Variants in GRIN2A observed in about 807,000 individuals in gnomAD.
The protein encoded by GRIN2A is glutamate ionotropic receptor NMDA type subunit 2A, also known as glutamate receptor ionotropic, NMDA 2A.
GRIN2A carries 22 observed loss-of-function variants against 113.4 expected under a neutral mutation model. The ratio of observed to expected loss-of-function variants is 0.19; its 90% confidence interval spans 0.14 to 0.28. The LOEUF is 0.28. Ranked by LOEUF, GRIN2A falls within the 10% of genes least tolerant of loss-of-function variation. The pLI, the probability that GRIN2A is intolerant of heterozygous loss-of-function variation, is 1.00. For synonymous variants in GRIN2A, 827 were observed against 738.4 expected (o/e 1.12, Z -1.94); for missense variants, 1,502 against 1,887.0 (o/e 0.80, Z 3.78).
chr16:10,105,789 C>T (rs952593101), intron 2 of GRIN2A, among the ~76,000 whole-genome samples: 1 of 152,154 alleles, frequency 6.6e-6, no homozygotes. Flanking sequence ...CACACGTAAT[C>T]CCAGCTACTT....
At chr16:9,822,454 G>C (rs949332443) in intron 9 of GRIN2A, 30 bp from the exon 10 acceptor site, 2 of 1,469,890 alleles carry the variant, frequency 1.4e-6, no homozygotes, top group African/African-American at 2.8e-5. Flanking sequence ...GGAAGAGAGA[G>C]AGTAGGAAAA....
intron 2 of GRIN2A, among the ~76,000 whole-genome samples, chr16:10,105,814 G>A (rs2048488530): frequency 6.6e-6 from 1 of 152,208 alleles, no homozygotes; most frequent in Non-Finnish European, 1.5e-5. Context: ...GGCTGAGGCA[G>A]GAGAATGGCT....
At chr16:10,003,780 G>A (rs2046360853) in intron 2 of GRIN2A, among the ~76,000 whole-genome samples, 1 of 152,178 alleles carries the variant, frequency 6.6e-6, no homozygotes, top group Non-Finnish European at 1.5e-5. Flanking sequence ...AAAGAATGAG[G>A]TCATTAAAGC....
chr16:9,880,288 G>A (rs941133731), intron 4 of GRIN2A, among the ~76,000 whole-genome samples: 2 of 152,104 alleles, frequency 1.3e-5, no homozygotes, highest in African/African-American at 2.4e-5. Context: ...GAGCCCCCTC[G>A]ATCCTCAAAT....
At chr16:10,007,957 C>A (rs1208748468) in intron 2 of GRIN2A, among the ~76,000 whole-genome samples, 1 of 152,132 alleles carries the variant, frequency 6.6e-6, no homozygotes, top group African/African-American at 2.4e-5. Context: ...CTCTTTGAGC[C>A]TCTGGTACAT....
chr16:10,143,360 C>A (rs1044545068), intron 2 of GRIN2A, among the ~76,000 whole-genome samples: 2 of 152,030 alleles, frequency 1.3e-5, no homozygotes, highest in African/African-American at 2.4e-5. Flanking sequence ...CTTAAATTTT[C>A]AAAAATTCAG....
chr16:9,842,275 G>T lies in GRIN2A; in HGVS notation c.1329-1171C>A, dbSNP rs147691161. On this transcript the variant is annotated intron_variant, in intron 5 of 12. Transcript: ENST00000330684. ...TCCAAAAAAAAAAGAAAAAAGAAAA[G>T]AAAGAAAGGAAACACTGGTCTATCC... is the stretch of plus-strand genomic sequence containing the variant. 2.7e-3 allele frequency among the ~76,000 whole-genome samples: 408 copies of T among 148,370 alleles called. 2 individuals are homozygous for T. Among genetic ancestry groups the T allele is most frequent in the African/African-American group, 1.0e-2 (379 of 38,056 alleles).
chr16:10,130,882 G>A lies in GRIN2A; in HGVS notation c.414+49116C>T, dbSNP rs777392757. On this transcript the variant is annotated intron_variant, in intron 2 of 12. Coordinates refer to ENST00000330684, the MANE Select transcript of GRIN2A (RefSeq NM_001134407.3). The stretch of plus-strand genomic sequence containing the variant: ...TATAATCCATAGCTGCCAGGGAGCT[G>A]GAACTCAGAGCCAAACACAGACTCA... Among the ~76,000 whole-genome samples, 7 of 152,158 alleles carry A rather than the reference G, an allele frequency of 4.6e-5. No homozygotes were observed. The East Asian group carries it at 7.7e-4, about 17-fold the overall frequency.
intron 2 of GRIN2A, among the ~76,000 whole-genome samples, chr16:10,061,609 A>G (rs546918105): frequency 2.0e-4 from 31 of 152,342 alleles, no homozygotes; most frequent in Non-Finnish European, 4.1e-4. Context: ...CAGTGAAGTC[A>G]GTCTGGGGCA....
intron 2 of GRIN2A, among the ~76,000 whole-genome samples, chr16:10,099,256 T>C (rs890673063): frequency 2.6e-5 from 4 of 152,268 alleles, no homozygotes; most frequent in Middle Eastern, 3.4e-3. Context: ...GCATAAAAGA[T>C]ACTTACTCAA....
At chr16:9,990,676 T>G (rs2046094187) in intron 2 of GRIN2A, among the ~76,000 whole-genome samples, 1 of 152,072 alleles carries the variant, frequency 6.6e-6, no homozygotes, top group Non-Finnish European at 1.5e-5. Flanking sequence ...CATTTTTTTT[T>G]TTCACCTGTC....
chr16:9,958,010 G>T (rs952247085), intron 2 of GRIN2A, among the ~76,000 whole-genome samples: 4 of 152,156 alleles, frequency 2.6e-5, no homozygotes, highest in African/African-American at 9.7e-5. Flanking sequence ...GTTATACCAG[G>T]AAAGAGAGAT....
At chr16:9,863,176 A>G (rs1331434212) in intron 4 of GRIN2A, among the ~76,000 whole-genome samples, 2 of 152,210 alleles carry the variant, frequency 1.3e-5, no homozygotes, top group Non-Finnish European at 2.9e-5. Context: ...GGAAATATTA[A>G]GGCAAACATG....
chr16:9,787,714 A>G (rs1902315370), intron 11 of GRIN2A, among the ~76,000 whole-genome samples: 1 of 152,206 alleles, frequency 6.6e-6, no homozygotes. Flanking sequence ...TATTATGACA[A>G]ATATCTATAA....
At chr16:10,061,700 C>T (rs942585077) in intron 2 of GRIN2A, among the ~76,000 whole-genome samples, 2 of 152,022 alleles carry the variant, frequency 1.3e-5, no homozygotes, top group African/African-American at 4.8e-5. Flanking sequence ...TTAGTAGTGG[C>T]AAAGGCAACA....
chr16:10,025,790 C>A (rs551723104), intron 2 of GRIN2A, among the ~76,000 whole-genome samples: 1 of 152,284 alleles, frequency 6.6e-6, no homozygotes, highest in East Asian at 1.9e-4. Flanking sequence ...CTAGGGGATG[C>A]AAAATCTCAT....
intron 2 of GRIN2A, among the ~76,000 whole-genome samples, chr16:10,095,118 T>G (rs1489433627): frequency 2.0e-5 from 3 of 152,030 alleles, no homozygotes; most frequent in African/African-American, 7.2e-5. Flanking sequence ...CAGCATGCAC[T>G]GAGAAAAGGC....
At chr16:10,057,598 C>T (rs1176490708) in intron 2 of GRIN2A, among the ~76,000 whole-genome samples, 1 of 151,770 alleles carries the variant, frequency 6.6e-6, no homozygotes, top group Non-Finnish European at 1.5e-5. Context: ...AACAGAAAGC[C>T]TCTGTAAGGT....
At chr16:9,809,000 T>C (rs74362991) in intron 10 of GRIN2A, among the ~76,000 whole-genome samples, 2,826 of 152,040 alleles carry the variant, frequency 0.019, 96 homozygotes, top group African/African-American at 0.065. Flanking sequence ...TCAAAGAGAA[T>C]GAAGGCAAAA....
Sources: allele counts gnomAD v4.1 joint callset (sites outside exome capture counted in the v4.1 genomes callset), GRCh38; gene constraint gnomAD v4.1.1; transcripts MANE v1.5; gene names NCBI Gene and HGNC (gene_info 2026-07-23, HGNC 2026-07-21).